The following VEGFC variants were observed in gnomAD, a reference collection of about 807,000 sequenced individuals.
VEGFC encodes FLT4 ligand DHM.
A neutral mutation model predicts 46.1 loss-of-function variants in VEGFC; 12 were observed. The observed-to-expected ratio is 0.26, with a 90% CI of 0.17 to 0.42. The LOEUF is 0.42. Among genes scored for constraint, VEGFC ranks in the 10% least tolerant of loss-of-function variants. The probability of loss-of-function intolerance (pLI) is 1.00; values close to 1 mark genes in which losing one functional copy is unlikely to be tolerated. For missense variants in VEGFC, 488 were observed against 529.4 expected (o/e 0.92, Z 0.77); for synonymous variants, 232 against 195.5 (o/e 1.19, Z -1.56).
intron 4 of VEGFC, among the ~76,000 whole-genome samples, chr4:176,691,924 G>A (rs544293954): frequency 1.1e-4 from 16 of 152,134 alleles, no homozygotes; most frequent in African/African-American, 2.4e-4. Context: ...GACAGTGGGC[G>A]CAGGTCAGTG....
chr4:176,744,300 C>A (rs577671766), intron 1 of VEGFC, among the ~76,000 whole-genome samples: 4 of 151,826 alleles, frequency 2.6e-5, no homozygotes, highest in African/African-American at 9.7e-5. Context: ...TAAGAATATA[C>A]AGAGTGCTCA....
rs1735247813 is a variant in VEGFC at position 176,745,632 on chromosome 4, A to AGTGT, written c.148-15887_148-15886insACAC. ...AAAAATGTGATGTCCTGCTAACACT[A>AGTGT]TACTGGGACCTGCTTGGGTCTGTCC... On this transcript the variant is annotated intron_variant, in intron 1 of 6. Transcript: ENST00000618562. 1.4e-4 allele frequency among the ~76,000 whole-genome samples: 22 copies of AGTGT among 152,204 alleles called. No homozygotes were observed. The South Asian group carries it at 4.4e-3, about 30-fold the overall frequency.
chr4:176,716,314 C>A (rs79016439), intron 3 of VEGFC, among the ~76,000 whole-genome samples: 1 of 151,942 alleles, frequency 6.6e-6, no homozygotes, highest in Non-Finnish European at 1.5e-5. Flanking sequence ...TGGTGACTCA[C>A]GCCTGTAACC....
chr4:176,719,836 G>A (rs1008709347), intron 3 of VEGFC, among the ~76,000 whole-genome samples: 1 of 152,122 alleles, frequency 6.6e-6, no homozygotes, highest in Admixed American at 6.5e-5. Context: ...CGAGGCGAGT[G>A]GATCACTTGA....
At chr4:176,720,522 C>G (rs1734767803) in intron 3 of VEGFC, among the ~76,000 whole-genome samples, 1 of 152,104 alleles carries the variant, frequency 6.6e-6, no homozygotes, top group African/African-American at 2.4e-5. Context: ...CAGACGCAAT[C>G]TTTGTTTTCA....
intron 1 of VEGFC, among the ~76,000 whole-genome samples, chr4:176,743,666 G>A (rs1735214736): frequency 6.6e-6 from 1 of 151,044 alleles, no homozygotes; most frequent in South Asian, 2.1e-4. Flanking sequence ...GCAGATAATT[G>A]GCTTAAATCT....
intron 4 of VEGFC, among the ~76,000 whole-genome samples, chr4:176,703,349 T>C (rs1159009760): frequency 6.6e-6 from 1 of 152,082 alleles, no homozygotes; most frequent in African/African-American, 2.4e-5. Context: ...TGGAGGCTAT[T>C]ATGTTAAGTG....
In VEGFC at chr4:176,792,199, A is replaced by G. The variant is rs1253359090; in HGVS notation, c.113T>C (p.Leu38Pro). ...AAAAFESGLD[L>P]SDAEPDAGEA... is the part of the protein sequence containing the mutation. ...GCCCGCGTCGGGCTCCGCGTCCGAG[A>G]GGTCGAGTCCGGACTCGAAGGCGGC... Residue 38 changes from leucine (L) to proline (P), a missense_variant, in exon 1 of 7, where the codon CTC becomes CCC. Transcript: ENST00000618562. The surrounding 1 kb of genome is among the most constrained non-coding windows in gnomAD (Gnocchi z 6.3). 3 of 1,543,846 alleles carry G rather than the reference A, an allele frequency of 1.9e-6. No individual in the cohort carries two copies. Among genetic ancestry groups the G allele is most frequent in the African/African-American group, 2.9e-5 (2 of 69,604 alleles).
intron 3 of VEGFC, among the ~76,000 whole-genome samples, chr4:176,718,463 A>G (rs1284449715): frequency 9.2e-5 from 14 of 152,150 alleles, no homozygotes; most frequent in Non-Finnish European, 2.1e-4. Context: ...CATCCAACTT[A>G]AATATAATCG....
intron 1 of VEGFC, among the ~76,000 whole-genome samples, chr4:176,771,968 CA>C (rs1735730661): frequency 6.6e-6 from 1 of 152,150 alleles, no homozygotes; most frequent in African/African-American, 2.4e-5. Context: ...AAATCTCCAT[CA>C]GTACCAACTG....
intron 1 of VEGFC, among the ~76,000 whole-genome samples, chr4:176,790,322 T>C (rs1347768258): frequency 6.6e-6 from 1 of 152,194 alleles, no homozygotes; most frequent in Non-Finnish European, 1.5e-5. Flanking sequence ...TGCAGAATAC[T>C]AACCCATATT....
At chr4:176,760,889 A>T (rs2110910218) in intron 1 of VEGFC, among the ~76,000 whole-genome samples, 1 of 152,322 alleles carries the variant, frequency 6.6e-6, no homozygotes, top group African/African-American at 2.4e-5. Context: ...TAAGCTTATC[A>T]TCACTCACTC....
At chr4:176,755,560 G>A (rs550335705) in intron 1 of VEGFC, among the ~76,000 whole-genome samples, 2 of 152,020 alleles carry the variant, frequency 1.3e-5, no homozygotes, top group Admixed American at 1.3e-4. Context: ...AGTGCCCTGG[G>A]ATTGCCTCCC....
intron 4 of VEGFC, among the ~76,000 whole-genome samples, chr4:176,701,205 A>G (rs1268026163): frequency 2.0e-5 from 3 of 152,238 alleles, no homozygotes. Context: ...AGAGGATGTT[A>G]TATGAAAACT....
rs1560951716 is a variant in VEGFC at position 176,740,346 on chromosome 4, T to TAAA, written c.148-10601_148-10600insTTT. 1.1e-4 allele frequency among the ~76,000 whole-genome samples: 13 copies of TAAA among 120,488 alleles called. 1 individual carries two copies. In the East Asian group the frequency reaches 1.4e-3, roughly 13 times the overall value. The allele number at this position is 120,488 out of a possible 152,430, so 79.0% of individuals were successfully genotyped here. ...ATAAATAAATATATATAACTATATA[T>TAAA]TTATATATAGTTATATATATTCTAT... is the stretch of plus-strand genomic sequence containing the variant. On this transcript the variant is annotated intron_variant, in intron 1 of 6. Transcript: ENST00000618562.
chr4:176,719,977 T>G (rs931943530), intron 3 of VEGFC, among the ~76,000 whole-genome samples: 3 of 151,898 alleles, frequency 2.0e-5, no homozygotes, highest in Non-Finnish European at 4.4e-5. Context: ...GAGAATCGCT[T>G]GAACCCAGGA....
intron 4 of VEGFC, among the ~76,000 whole-genome samples, chr4:176,704,878 T>C (rs943045369): frequency 1.3e-5 from 2 of 152,176 alleles, no homozygotes; most frequent in African/African-American, 4.8e-5. Context: ...CTCACCACAC[T>C]GATTTCACTG....
At chr4:176,694,837 G>GC (rs1734278906) in intron 4 of VEGFC, among the ~76,000 whole-genome samples, 2 of 145,754 alleles carry the variant, frequency 1.4e-5, no homozygotes, top group African/African-American at 5.3e-5. Flanking sequence ...ACTCAAAACT[G>GC]CTCAACTACA....
At chr4:176,712,875 A>G (rs150635139) in intron 3 of VEGFC, among the ~76,000 whole-genome samples, 1 of 152,218 alleles carries the variant, frequency 6.6e-6, no homozygotes, top group African/African-American at 2.4e-5. Context: ...AAATGTAACT[A>G]CTTTCTTTAG....
Sources: allele counts gnomAD v4.1 joint callset (sites outside exome capture counted in the v4.1 genomes callset), GRCh38; gene constraint gnomAD v4.1.1; non-coding constraint Gnocchi (gnomAD v3.1); transcripts MANE v1.5; gene names NCBI Gene and HGNC (gene_info 2026-07-23, HGNC 2026-07-21).